The following CNGB1 variants were observed in gnomAD, a reference collection of about 807,000 sequenced individuals.
The protein encoded by CNGB1 is cyclic nucleotide-gated channel beta-1.
CNGB1 carries 126 observed loss-of-function variants against 151.7 expected under a neutral mutation model. That is an observed-to-expected ratio of 0.83 (90% confidence interval 0.72 to 0.96). CNGB1 has a LOEUF of 0.96. Ranked by LOEUF, CNGB1 falls within the 40% of genes least tolerant of loss-of-function variation. The pLI, the probability that CNGB1 is intolerant of heterozygous loss-of-function variation, is 0.00. For missense variants in CNGB1, 1,698 were observed against 1,627.0 expected, an observed-to-expected ratio of 1.04 and a Z score of -0.75; for synonymous variants, 623 against 635.1, an observed-to-expected ratio of 0.98 and a Z score of 0.29.
At chr16:57,939,274 GA>G (rs1302021879) in intron 16 of CNGB1, among the ~76,000 whole-genome samples, 155 bp downstream of exon 16, 2 of 152,298 alleles carry the variant, frequency 1.3e-5, no homozygotes, top group Middle Eastern at 3.4e-3. Flanking sequence ...AGACACCAAG[GA>G]TGGGATTTTC....
intron 25 of CNGB1, among the ~76,000 whole-genome samples, chr16:57,911,255 C>T (rs1174326768): frequency 6.6e-6 from 1 of 152,142 alleles, no homozygotes; most frequent in Non-Finnish European, 1.5e-5. Flanking sequence ...GCTCAGGAAA[C>T]CTTAGCTTGG....
chr16:57,886,955 G>T (rs1344436538), intron 32 of CNGB1, among the ~76,000 whole-genome samples: 2 of 152,124 alleles, frequency 1.3e-5, no homozygotes, highest in Non-Finnish European at 2.9e-5. Flanking sequence ...GCTCACTGCA[G>T]TCTCGACTTC....
chr16:57,906,562 T>A (rs1185569210), intron 25 of CNGB1, among the ~76,000 whole-genome samples: 1 of 152,174 alleles, frequency 6.6e-6, no homozygotes, highest in African/African-American at 2.4e-5. Context: ...CCACATCACC[T>A]GTTGCCTGCA....
At chr16:57,954,821 G>C in intron 12 of CNGB1, 2 of 990,048 alleles carry the variant, frequency 2.0e-6, no homozygotes, top group Non-Finnish European at 2.4e-6. Context: ...AGGTGCTGAC[G>C]GTGCCAGGTA....
At chr16:57,929,660 C>A (rs553516317) in intron 17 of CNGB1, among the ~76,000 whole-genome samples, 219 of 152,174 alleles carry the variant, frequency 1.4e-3, no homozygotes, top group Non-Finnish European at 2.5e-3. Flanking sequence ...AGAGCAAATG[C>A]GGAGGGGCCA....
intron 31 of CNGB1, among the ~76,000 whole-genome samples, chr16:57,889,113 G>C (rs1264729436): frequency 6.6e-6 from 1 of 152,134 alleles, no homozygotes; most frequent in East Asian, 1.9e-4. Context: ...ACAGGATTGT[G>C]ATCTCTGTCT....
chr16:57,912,655 G>GT (rs1369474019), intron 24 of CNGB1, among the ~76,000 whole-genome samples: 12 of 151,344 alleles, frequency 7.9e-5, no homozygotes, highest in African/African-American at 2.4e-5. Flanking sequence ...TGTGTTGTGT[G>GT]TTGTGTGTGT....
In CNGB1 at chr16:57,962,817, A is replaced by G. The variant is rs756820113; in HGVS notation, c.412+25T>C. 23 of 1,612,418 alleles carry G rather than the reference A, an allele frequency of 1.4e-5. No homozygotes were observed. The Middle Eastern group carries it at 8.2e-4, about 58-fold the overall frequency. ...TCAGCCCCTCAGCCCTGCTGCTGAA[A>G]AGCCATCCTGCCCCTTGTTCTTACC... On this transcript the variant is annotated intron_variant, in intron 6 of 32. Transcript: ENST00000251102.
At chr16:57,918,250 C>T (rs564997514) in intron 20 of CNGB1, among the ~76,000 whole-genome samples, 1 of 152,022 alleles carries the variant, frequency 6.6e-6, no homozygotes, top group African/African-American at 2.4e-5. Context: ...GCTGGGATTA[C>T]AGGTGTGAGC....
chr16:57,896,782 T>G (rs1215146551), intron 31 of CNGB1, among the ~76,000 whole-genome samples: 1 of 150,712 alleles, frequency 6.6e-6, no homozygotes, highest in Non-Finnish European at 1.5e-5. Context: ...GCCTATATGC[T>G]TAAAAGAAGT....
rs1258286440 is a variant in CNGB1 at position 57,882,366 on chromosome 16, C to T, written c.*1798G>A. The T allele has an allele frequency of 6.6e-6, 1 of 150,954 alleles. No homozygotes were observed. Among genetic ancestry groups the T allele is most frequent in the Non-Finnish European group, 1.5e-5 (1 of 67,868 alleles). 9.4% of individuals were successfully genotyped at this position (150,954 alleles called of 1,614,324 possible). A position where few individuals can be genotyped will look rare whatever the true frequency, so the allele number is the denominator to read the frequency against. On this transcript the variant is annotated 3_prime_UTR_variant, in exon 33 of 33. Coordinates refer to ENST00000251102, the MANE Select transcript of CNGB1 (RefSeq NM_001297.5). ...AAAAAATAGGGTAAAATAATAAGGT[C>T]AATCATCACTATATTCAATGTGATG... is the stretch of plus-strand genomic sequence containing the variant.
chr16:57,923,412 A>T (rs1327986137), intron 17 of CNGB1, 32 bp from the exon 18 acceptor site: 1 of 1,559,708 alleles, frequency 6.4e-7, no homozygotes, highest in Non-Finnish European at 8.8e-7. Flanking sequence ...AGGGGCCTTC[A>T]GCAAAGGCAG....
chr16:57,954,633 T>A, intron 12 of CNGB1: 6 of 965,954 alleles, frequency 6.2e-6, no homozygotes, highest in Non-Finnish European at 7.4e-6. Context: ...TAAACCCTTC[T>A]TTTAGCTTTA....
At chr16:57,942,702 AAGAT>A (rs1299652554) in intron 14 of CNGB1, among the ~76,000 whole-genome samples, 1 of 151,806 alleles carries the variant, frequency 6.6e-6, no homozygotes, top group East Asian at 1.9e-4. Context: ...CCAACTCTAT[AAGAT>A]ACAAAAACTA....
At chr16:57,948,897 C>G (rs1049492228) in intron 14 of CNGB1, among the ~76,000 whole-genome samples, 1 of 152,134 alleles carries the variant, frequency 6.6e-6, no homozygotes, top group Non-Finnish European at 1.5e-5. Flanking sequence ...AGAGCAGAAT[C>G]CAGGACAGCC....
chr16:57,908,756 G>A lies in CNGB1; in HGVS notation c.2492+2997C>T, dbSNP rs899828870. 3.9e-5 allele frequency among the ~76,000 whole-genome samples: 6 copies of A among 152,256 alleles called. No homozygotes were observed. The East Asian group carries it at 5.8e-4, about 15-fold the overall frequency. On this transcript the variant is annotated intron_variant, in intron 25 of 32. Coordinates refer to ENST00000251102, the MANE Select transcript of CNGB1 (RefSeq NM_001297.5). ...TGCAGGCCCAGCCCCCATCCTGTGC[G>A]CATCCCTCCTGCCCACACTGCCCTC... is the stretch of plus-strand genomic sequence containing the variant.
Position 57,911,786 on chromosome 16 carries a change from G to A in CNGB1, c.2459C>T (p.Ser820Phe). Reference sequence around the variant, plus strand: ...CACGCCATCGTAAACCCAGTGAGTGGAGCCGAGGCCCTGATAGGCCGATGC... The same window carrying A: ...CACGCCATCGTAAACCCAGTGAGTGAAGCCGAGGCCCTGATAGGCCGATGC... ...YWASAYQGLG[S>F]THWVYDGVGN... The change falls in exon 25 of 33, where the codon TCC becomes TTC. Residue 820 changes from serine to phenylalanine, a missense_variant. Physicochemically the swap from Ser to Phe is radical, Grantham distance 155. Transcript: ENST00000251102. The A allele has an allele frequency of 2.5e-6, 4 of 1,614,114 alleles. No homozygotes were observed. Among genetic ancestry groups the A allele is most frequent in the Non-Finnish European group, 3.4e-6 (4 of 1,179,974 alleles).
At chr16:57,958,964 T>C (rs1962166180) in intron 10 of CNGB1, among the ~76,000 whole-genome samples, 2 of 150,398 alleles carry the variant, frequency 1.3e-5, no homozygotes, top group African/African-American at 4.9e-5. Context: ...AGATGGAGTC[T>C]TTCTATATTG....
At chr16:57,920,013 T>C (rs1390723473) in intron 19 of CNGB1, among the ~76,000 whole-genome samples, 3 of 152,144 alleles carry the variant, frequency 2.0e-5, no homozygotes, top group Admixed American at 6.5e-5. Context: ...GGCACTGACA[T>C]CTCTGAAAAA....
Sources: gnomAD v4.1 joint callset for allele counts (sites outside exome capture counted in the v4.1 genomes callset) on GRCh38, gnomAD v4.1.1 for gene constraint, MANE v1.5 for transcripts, NCBI Gene and HGNC (gene_info 2026-07-23, HGNC 2026-07-21) for gene names.